The following COL8A1 variants were observed in gnomAD, a reference collection of about 807,000 sequenced individuals.
COL8A1 encodes the protein collagen alpha-1(VIII) chain.
COL8A1 carries 21 observed loss-of-function variants against 42.7 expected under a neutral mutation model. The observed-to-expected ratio is 0.49, with a 90% CI of 0.35 to 0.71. The LOEUF is 0.71. Ranked by LOEUF, COL8A1 falls within the 30% of genes least tolerant of loss-of-function variation. The probability of loss-of-function intolerance (pLI) is 0.01; values close to 1 mark genes in which losing one functional copy is unlikely to be tolerated. For missense variants in COL8A1, 788 were observed against 962.4 expected, an observed-to-expected ratio of 0.82 and a Z score of 2.40; for synonymous variants, 367 against 369.1, an observed-to-expected ratio of 0.99 and a Z score of 0.06.
At chr3:99,680,425 T>C (rs1454216070) in intron 1 of COL8A1, 1 of 152,198 alleles carries the variant, frequency 6.6e-6, no homozygotes, top group Non-Finnish European at 1.5e-5. Context: ...TTCCAAGTCT[T>C]TGCTATTGTG....
At chr3:99,725,677 T>C (rs991386896) in intron 1 of COL8A1, among the ~76,000 whole-genome samples, 4 of 150,638 alleles carry the variant, frequency 2.7e-5, no homozygotes, top group Non-Finnish European at 4.4e-5. Flanking sequence ...TTGGTTTCTT[T>C]CCTTGCAATA....
chr3:99,781,196 G>T (rs975617131), intron 2 of COL8A1, among the ~76,000 whole-genome samples: 2 of 152,176 alleles, frequency 1.3e-5, no homozygotes, highest in African/African-American at 4.8e-5. Context: ...CACTGACCAA[G>T]AAATTGTCAA....
At chr3:99,743,930 C>CTT (rs1311089601) in intron 1 of COL8A1, among the ~76,000 whole-genome samples, 37 of 139,972 alleles carry the variant, frequency 2.6e-4, no homozygotes, top group Non-Finnish European at 3.6e-4. Flanking sequence ...GTAGATAATT[C>CTT]TTTTTTTTTT....
intron 2 of COL8A1, among the ~76,000 whole-genome samples, chr3:99,747,730 A>G (rs1941057547): frequency 6.6e-6 from 1 of 152,250 alleles, no homozygotes; most frequent in African/African-American, 2.4e-5. Context: ...ACTGCAGAAC[A>G]TTATGACTGT....
chr3:99,668,339 T>A (rs1938429190), intron 1 of COL8A1, among the ~76,000 whole-genome samples: 1 of 152,210 alleles, frequency 6.6e-6, no homozygotes, highest in East Asian at 1.9e-4. Flanking sequence ...ATTTCAATTT[T>A]TCATAAGTTT....
intron 2 of COL8A1, among the ~76,000 whole-genome samples, chr3:99,771,541 C>T (rs1005735860): frequency 1.3e-5 from 2 of 152,172 alleles, no homozygotes; most frequent in Non-Finnish European, 2.9e-5. Flanking sequence ...TACCAGGCAA[C>T]GTAAACTCCA....
At chr3:99,683,091 T>C (rs1371224607) in intron 1 of COL8A1, among the ~76,000 whole-genome samples, 2 of 152,238 alleles carry the variant, frequency 1.3e-5, no homozygotes, top group Non-Finnish European at 1.5e-5. Context: ...AACATGTATG[T>C]GAAATTTTTT....
intron 2 of COL8A1, among the ~76,000 whole-genome samples, chr3:99,768,670 T>G (rs775820091): frequency 3.9e-5 from 6 of 152,218 alleles, no homozygotes; most frequent in Non-Finnish European, 7.3e-5. Context: ...ATAGAAAATG[T>G]TAGTACAGAG....
chr3:99,683,120 T>C (rs1938940867), intron 1 of COL8A1, among the ~76,000 whole-genome samples: 1 of 152,188 alleles, frequency 6.6e-6, no homozygotes, highest in Admixed American at 6.5e-5. Context: ...GTGTCTTAAG[T>C]GGTTTGGAGT....
At position 99,787,861 on chromosome 3, in the gene COL8A1, C is replaced by CACAG. The variant is rs1941925572; in HGVS notation, c.-3-2816_-3-2815insGACA. Among the ~76,000 whole-genome samples the CACAG allele has an allele frequency of 2.6e-5, 4 of 151,090 alleles. No individual in the cohort carries two copies. In the South Asian group the frequency reaches 8.3e-4, roughly 32 times the overall value. On this transcript the variant is annotated intron_variant, in intron 2 of 3. Coordinates refer to ENST00000652472, the MANE Select transcript of COL8A1 (RefSeq NM_020351.4). ...GCTTATGTTCAAGAACACAAATACA[C>CACAG]ACACACACACACACCCACACCCACA...
chr3:99,693,061 G>A (rs897417377), intron 1 of COL8A1, among the ~76,000 whole-genome samples: 2 of 152,112 alleles, frequency 1.3e-5, no homozygotes, highest in East Asian at 3.9e-4. Context: ...TGAGAGGCGC[G>A]TGTTTGTAAT....
intron 1 of COL8A1, among the ~76,000 whole-genome samples, chr3:99,724,835 A>G (rs1467501947): frequency 9.9e-5 from 15 of 152,078 alleles, no homozygotes; most frequent in Non-Finnish European, 1.8e-4. Context: ...CTAGGCACCA[A>G]TTATGAGCCA....
At chr3:99,790,412 G>C (rs1323557523) in intron 2 of COL8A1, among the ~76,000 whole-genome samples, 1 of 152,176 alleles carries the variant, frequency 6.6e-6, no homozygotes, top group Non-Finnish European at 1.5e-5. Context: ...GGGCAAGAAA[G>C]GCAGAATCGA....
chr3:99,713,576 C>A (rs73860411), intron 1 of COL8A1, among the ~76,000 whole-genome samples: 2 of 152,062 alleles, frequency 1.3e-5, no homozygotes, highest in Non-Finnish European at 2.9e-5. Context: ...ATCAGTAAGA[C>A]GTTCAGTGCC....
intron 1 of COL8A1, among the ~76,000 whole-genome samples, chr3:99,657,401 C>T (rs761747433): frequency 9.2e-5 from 14 of 152,126 alleles, no homozygotes; most frequent in Admixed American, 2.6e-4. Flanking sequence ...TTTTTAAAGA[C>T]ACTCACAGTC....
intron 1 of COL8A1, among the ~76,000 whole-genome samples, chr3:99,694,432 C>T (rs1338033688): frequency 6.6e-6 from 1 of 151,776 alleles, no homozygotes; most frequent in African/African-American, 2.4e-5. Flanking sequence ...GCCGAGATCG[C>T]ACCACTCCAC....
At chr3:99,668,785 C>T (rs1415802058) in intron 1 of COL8A1, among the ~76,000 whole-genome samples, 2 of 151,970 alleles carry the variant, frequency 1.3e-5, no homozygotes, top group African/African-American at 2.4e-5. Context: ...ATATGCCAGG[C>T]ACAGTATCAG....
At position 99,668,690 on chromosome 3, in the gene COL8A1, G is replaced by T. The variant is rs748140424; in HGVS notation, c.-129+30026G>T. Among the ~76,000 whole-genome samples, 87 of 152,030 alleles carry T rather than the reference G, an allele frequency of 5.7e-4. 1 individual carries two copies. The highest frequency in any genetic ancestry group is 3.4e-3 in the Middle Eastern group (1 of 294). On this transcript the variant is annotated intron_variant, in intron 1 of 3. Coordinates refer to ENST00000652472, the MANE Select transcript of COL8A1 (RefSeq NM_020351.4). ...TGAAAAGAAGTTTATAAAGTTGGTG[G>T]CAGATGATTTCCTTTCTGCAAATCC...
At chr3:99,652,235 T>C (rs1272750209) in intron 1 of COL8A1, among the ~76,000 whole-genome samples, 2 of 152,226 alleles carry the variant, frequency 1.3e-5, no homozygotes, top group Non-Finnish European at 2.9e-5. Context: ...TGAAATAGAA[T>C]TCATTGTCAC....
Sources: allele counts gnomAD v4.1 joint callset (sites outside exome capture counted in the v4.1 genomes callset), GRCh38; gene constraint gnomAD v4.1.1; transcripts MANE v1.5; gene names NCBI Gene and HGNC (gene_info 2026-07-23, HGNC 2026-07-21).